Variants in ABCA12 observed in about 807,000 individuals in gnomAD.
The protein encoded by ABCA12 is glucosylceramide transporter ABCA12.
Under a neutral mutation model 293.5 loss-of-function variants are expected in ABCA12, and 156 were observed. That is an observed-to-expected ratio of 0.53 (90% CI 0.47 to 0.61). The LOEUF is 0.61. Among genes scored for constraint, ABCA12 ranks in the 20% least tolerant of loss-of-function variants. The pLI, the probability that ABCA12 is intolerant of heterozygous loss-of-function variation, is 0.00. For synonymous variants in ABCA12, 1,063 were observed against 1,108.0 expected (o/e 0.96, Z 0.81); for missense variants, 2,797 against 3,090.2 (o/e 0.91, Z 2.25).
At chr2:215,121,077 G>A (rs911921067) in intron 1 of ABCA12, among the ~76,000 whole-genome samples, 27 of 152,290 alleles carry the variant, frequency 1.8e-4, no homozygotes, top group East Asian at 5.8e-4. Flanking sequence ...CACAACATGC[G>A]TTATCACTTT....
At chr2:214,979,811 A>G (rs1699607195) in intron 31 of ABCA12, among the ~76,000 whole-genome samples, 1 of 152,210 alleles carries the variant, frequency 6.6e-6, no homozygotes, top group Non-Finnish European at 1.5e-5. Context: ...ACATTTTCTT[A>G]TATTTTGTAA....
chr2:215,081,139 T>C (rs1023864590), intron 2 of ABCA12, among the ~76,000 whole-genome samples: 1 of 152,198 alleles, frequency 6.6e-6, no homozygotes, highest in African/African-American at 2.4e-5. Flanking sequence ...TTAAAGTTTA[T>C]GTCAATTGAC....
At chr2:215,076,420 T>C (rs1484422999) in intron 2 of ABCA12, among the ~76,000 whole-genome samples, 1 of 151,926 alleles carries the variant, frequency 6.6e-6, no homozygotes, top group East Asian at 1.9e-4. Flanking sequence ...GAAAAAGTTC[T>C]TTTTTTTCTG....
In ABCA12 at chr2:214,981,761, G is replaced by GTT. The variant is rs11323161; in HGVS notation, c.4579+424_4579+425dup. 6.4e-3 allele frequency among the ~76,000 whole-genome samples: 493 copies of GTT among 77,004 alleles called. 5 individuals carry two copies. Among genetic ancestry groups the GTT allele is most frequent in the African/African-American group, 0.011 (250 of 23,036 alleles). 50.5% of individuals were successfully genotyped at this position (77,004 alleles called of 152,430 possible). A position where few individuals can be genotyped will look rare whatever the true frequency, so the allele number is the denominator to read the frequency against. On this transcript the variant is annotated intron_variant, in intron 30 of 52. Coordinates refer to ENST00000272895, the MANE Select transcript of ABCA12 (RefSeq NM_173076.3). The stretch of plus-strand genomic sequence containing the variant: ...CATAAACAGAAAAGTCGTCAAGCTG[G>GTT]TTTTTTTTTTTTTTTTTTTTTTGAG...
intron 7 of ABCA12, among the ~76,000 whole-genome samples, chr2:215,041,434 C>G (rs933705532): frequency 6.6e-6 from 1 of 151,976 alleles, no homozygotes; most frequent in Non-Finnish European, 1.5e-5. Flanking sequence ...TGCCTGTAGT[C>G]CCAGCTACTC....
At chr2:214,937,056 T>C (rs1698242506) in intron 51 of ABCA12, among the ~76,000 whole-genome samples, 1 of 152,212 alleles carries the variant, frequency 6.6e-6, no homozygotes, top group South Asian at 2.1e-4. Context: ...CTTACGCATC[T>C]TGAACTAATC....
chr2:214,944,880 T>TAC, intron 49 of ABCA12, 121 bp downstream of exon 49: 1 of 713,510 alleles, frequency 1.4e-6, no homozygotes, highest in South Asian at 1.6e-5. Flanking sequence ...TGTGTATATA[T>TAC]ATATATACAC....
intron 20 of ABCA12, among the ~76,000 whole-genome samples, chr2:215,002,511 C>T (rs1259068177): frequency 1.3e-5 from 2 of 152,132 alleles, no homozygotes; most frequent in Admixed American, 1.3e-4. Context: ...ATCATGAATG[C>T]TGAGAAGGCT....
At chr2:214,947,654 TATC>T in intron 47 of ABCA12, 98 bp from the exon 48 acceptor site, 1 of 1,365,644 alleles carries the variant, frequency 7.3e-7, no homozygotes, top group Non-Finnish European at 1.0e-6. Context: ...AAGAAAATGT[TATC>T]ATGGAGAATA....
chr2:214,933,334 C>A (rs1698119042), intron 52 of ABCA12, among the ~76,000 whole-genome samples: 1 of 152,114 alleles, frequency 6.6e-6, no homozygotes, highest in South Asian at 2.1e-4. Flanking sequence ...GGTAGTTGGT[C>A]ATAAGTCGAA....
At position 215,134,620 on chromosome 2, in the gene ABCA12, G is replaced by GAGAGAGAGAGAGAGAGAGAGAGACAAAC. The variant is rs1559214512; in HGVS notation, c.69+3519_69+3520insGTTTGTCTCTCTCTCTCTCTCTCTCTCT. 9.3e-3 allele frequency among the ~76,000 whole-genome samples: 867 copies of GAGAGAGAGAGAGAGAGAGAGAGACAAAC among 93,384 alleles called. 45 individuals are homozygous for GAGAGAGAGAGAGAGAGAGAGAGACAAAC. The highest frequency in any genetic ancestry group is 0.015 in the African/African-American group (229 of 14,864). The allele number at this position is 93,384 out of a possible 152,430, so 61.3% of individuals were successfully genotyped here. On this transcript the variant is annotated intron_variant, in intron 1 of 52. Transcript: ENST00000272895. The stretch of plus-strand genomic sequence containing the variant: ...CTCTCTATATATATATATATATAGA[G>GAGAGAGAGAGAGAGAGAGAGAGACAAAC]AGAGAGAGAGAGAGAGAGAGACAAA...
chr2:215,118,300 G>A (rs1334192750), intron 1 of ABCA12, among the ~76,000 whole-genome samples: 1 of 152,098 alleles, frequency 6.6e-6, no homozygotes, highest in African/African-American at 2.4e-5. Flanking sequence ...TACTGAGGAG[G>A]CTGAGGCAGA....
At chr2:215,109,188 A>G (rs1702521501) in intron 2 of ABCA12, among the ~76,000 whole-genome samples, 1 of 152,172 alleles carries the variant, frequency 6.6e-6, no homozygotes, top group Non-Finnish European at 1.5e-5. Context: ...TATAGAATGT[A>G]TTGAAACTTT....
chr2:215,110,284 G>A (rs1459073409), intron 2 of ABCA12, among the ~76,000 whole-genome samples: 1 of 152,206 alleles, frequency 6.6e-6, no homozygotes, highest in Admixed American at 6.5e-5. Flanking sequence ...GCCGAGGTGG[G>A]TGGATCACAA....
chr2:214,992,822 C>T (rs1967602), intron 23 of ABCA12, among the ~76,000 whole-genome samples: 152,111 of 152,200 alleles, frequency 1, 76,012 homozygotes, highest in Non-Finnish European at 1. Context: ...GATCATGCCA[C>T]TGCACTGCAG....
chr2:214,958,407 C>A lies in ABCA12; in HGVS notation c.5987G>T (p.Gly1996Val). The change falls in exon 41 of 53, where the codon GGC becomes GTC. Residue 1996 changes from glycine (G) to valine (V), a missense_variant. Gly to Val is a moderately radical substitution (Grantham distance 109). This residue lies in a region of ABCA12 where 2,130 missense variants were observed against 2,427.0 expected (regional missense o/e 0.88). Transcript: ENST00000272895. ...AAAGCTGGCGGTGGTGACAGAGTAG[C>A]CCATCAAGATAGACAGTGCCACTAA... ...DILVALSILM[G>V]YSVTTASFVT... is the part of the protein sequence containing the mutation. 1 of 1,613,880 alleles carries A rather than the reference C, an allele frequency of 6.2e-7. No homozygotes were observed. Among genetic ancestry groups the A allele is most frequent in the East Asian group, 2.2e-5 (1 of 44,842 alleles).
chr2:215,046,478 A>AAATAT (rs532772298), intron 6 of ABCA12, among the ~76,000 whole-genome samples: 2,065 of 147,536 alleles, frequency 0.014, 23 homozygotes, highest in Middle Eastern at 0.025. Context: ...TATATATATA[A>AAATAT]AATATAATAT....
At chr2:215,085,730 C>T (rs1366421560) in intron 2 of ABCA12, among the ~76,000 whole-genome samples, 1 of 152,028 alleles carries the variant, frequency 6.6e-6, no homozygotes, top group Non-Finnish European at 1.5e-5. Flanking sequence ...CATTTTGGCA[C>T]TTTATATTTG....
In ABCA12 at chr2:215,001,035, G is replaced by T. The variant is rs373579781; in HGVS notation, c.2864-15C>A. The T allele has an allele frequency of 3.1e-6, 5 of 1,612,534 alleles. No individual in the cohort carries two copies. Among genetic ancestry groups the T allele is most frequent in the Non-Finnish European group, 2.5e-6 (3 of 1,179,062 alleles). On this transcript the variant is annotated splice_polypyrimidine_tract_variant and intron_variant, in intron 21 of 52. Coordinates refer to ENST00000272895, the MANE Select transcript of ABCA12 (RefSeq NM_173076.3). ...AAAAATAACACCTAAAAATAAAATG[G>T]CAACAACAGCAGAAAGGTTATTTTA...
Sources: allele counts gnomAD v4.1 joint callset (sites outside exome capture counted in the v4.1 genomes callset), GRCh38; gene constraint gnomAD v4.1.1; regional missense constraint gnomAD v4.1.1; transcripts MANE v1.5; gene names NCBI Gene and HGNC (gene_info 2026-07-23, HGNC 2026-07-21).